The following SLC20A2 variants were observed in gnomAD, a reference collection of about 807,000 sequenced individuals.
SLC20A2 encodes the protein solute carrier family 20 member 2.
SLC20A2 carries 30 observed loss-of-function variants against 61.0 expected under a neutral mutation model. The observed-to-expected ratio is 0.49, with a 90% CI of 0.37 to 0.67. The LOEUF (loss-of-function observed/expected upper bound fraction) is 0.67. Among genes scored for constraint, SLC20A2 ranks in the 30% least tolerant of loss-of-function variants. SLC20A2 has a pLI of 0.00. For synonymous variants in SLC20A2, 351 were observed against 353.3 expected, an observed-to-expected ratio of 0.99 and a Z score of 0.07; for missense variants, 626 against 866.4, an observed-to-expected ratio of 0.72 and a Z score of 3.48.
At chr8:42,533,315 T>TA (rs1192717742) in intron 1 of SLC20A2, among the ~76,000 whole-genome samples, 7 of 152,100 alleles carry the variant, frequency 4.6e-5, no homozygotes, top group South Asian at 2.1e-4. Flanking sequence ...AACTACTTAT[T>TA]AAAAAAATGT....
intron 5 of SLC20A2, among the ~76,000 whole-genome samples, chr8:42,453,528 G>A (rs149149092): frequency 1.1e-4 from 16 of 152,236 alleles, no homozygotes; most frequent in Non-Finnish European, 8.8e-5. Context: ...AGGACACCAC[G>A]GCTATTAATG....
chr8:42,532,000 T>G (rs1312424222), intron 1 of SLC20A2, among the ~76,000 whole-genome samples: 1 of 134,246 alleles, frequency 7.4e-6, no homozygotes, highest in Non-Finnish European at 1.6e-5. Flanking sequence ...TTTTTTTTTT[T>G]GTATTTTTAG....
intron 6 of SLC20A2, among the ~76,000 whole-genome samples, chr8:42,441,529 C>T (rs776151525): frequency 6.6e-6 from 1 of 151,060 alleles, no homozygotes; most frequent in South Asian, 2.1e-4. Context: ...AGTGCTGTGG[C>T]GCGATCTCGG....
chr8:42,429,865 T>C (rs1221641695), intron 9 of SLC20A2, among the ~76,000 whole-genome samples, 199 bp downstream of exon 9: 1 of 152,138 alleles, frequency 6.6e-6, no homozygotes, highest in Non-Finnish European at 1.5e-5. Flanking sequence ...AGGGACGCTG[T>C]GGCTGGGGGC....
intron 1 of SLC20A2, among the ~76,000 whole-genome samples, chr8:42,535,907 G>A (rs1282538278): frequency 2.0e-5 from 3 of 152,108 alleles, no homozygotes; most frequent in South Asian, 2.1e-4. Context: ...AATAGATCAC[G>A]TCCAGAATCC....
chr8:42,455,292 A>C (rs867105457), intron 5 of SLC20A2, among the ~76,000 whole-genome samples: 22 of 138,394 alleles, frequency 1.6e-4, no homozygotes, highest in African/African-American at 2.4e-4. Flanking sequence ...AGAGAGAGAG[A>C]GCGTGCGCAT....
At chr8:42,446,550 T>C (rs1002732221) in intron 5 of SLC20A2, among the ~76,000 whole-genome samples, 3 of 152,248 alleles carry the variant, frequency 2.0e-5, no homozygotes, top group African/African-American at 4.8e-5. Flanking sequence ...TTATGAATTA[T>C]GCAGGTCTAT....
At chr8:42,519,942 A>C (rs952800719) in intron 1 of SLC20A2, among the ~76,000 whole-genome samples, 1 of 151,130 alleles carries the variant, frequency 6.6e-6, no homozygotes, top group African/African-American at 2.4e-5. Context: ...TCTACCAATC[A>C]GTTGAAATGT....
rs778950951 is a variant in SLC20A2, at chr8:42,417,787, G to C, written c.*16C>G. The C allele has an allele frequency of 1.7e-5, 27 of 1,612,894 alleles. No homozygotes were observed. The highest frequency in any genetic ancestry group is 2.0e-5 in the Non-Finnish European group (24 of 1,179,176). ...CAGACCATCCCTTTAGCTGTTTGCA[G>C]CTGGAAGAAGACAAATCACACATAT... On this transcript the variant is annotated 3_prime_UTR_variant, in exon 11 of 11. Coordinates refer to ENST00000520262, the MANE Select transcript of SLC20A2 (RefSeq NM_001257180.2).
chr8:42,476,771 A>G (rs1032165756), intron 1 of SLC20A2, among the ~76,000 whole-genome samples: 1 of 152,160 alleles, frequency 6.6e-6, no homozygotes, highest in African/African-American at 2.4e-5. Context: ...GCCTGAGGAA[A>G]AAGGCTTGCC....
chr8:42,517,839 A>G (rs544689390), intron 1 of SLC20A2, among the ~76,000 whole-genome samples: 1 of 152,312 alleles, frequency 6.6e-6, no homozygotes, highest in African/African-American at 2.4e-5. Context: ...TCTGACCAAA[A>G]CCAAATCATG....
chr8:42,514,916 G>T (rs192548004), intron 1 of SLC20A2, among the ~76,000 whole-genome samples: 68 of 152,272 alleles, frequency 4.5e-4, no homozygotes, highest in Non-Finnish European at 8.5e-4. Context: ...AGAGACTTTG[G>T]AGGTAGAATC....
At chr8:42,495,212 G>A (rs1293415239) in intron 1 of SLC20A2, among the ~76,000 whole-genome samples, 2 of 152,080 alleles carry the variant, frequency 1.3e-5, no homozygotes, top group Admixed American at 1.3e-4. Flanking sequence ...TTTTAGAAAC[G>A]TGATTTTTCC....
chr8:42,526,087 A>T (rs1424901095), intron 1 of SLC20A2, among the ~76,000 whole-genome samples: 1 of 152,200 alleles, frequency 6.6e-6, no homozygotes, highest in Non-Finnish European at 1.5e-5. Context: ...GGAAGCACAG[A>T]AACAGGTAAG....
intron 1 of SLC20A2, among the ~76,000 whole-genome samples, chr8:42,490,583 T>G (rs988906912): frequency 6.6e-6 from 1 of 152,044 alleles, no homozygotes; most frequent in African/African-American, 2.4e-5. Context: ...AGAGACAGAG[T>G]AAGACTCCGT....
At position 42,429,977 on chromosome 8, in the gene SLC20A2, G is replaced by A. The variant is rs2130963777; in HGVS notation, c.1709+87C>T. 7 of 1,215,872 alleles carry A rather than the reference G, an allele frequency of 5.8e-6. No individual in the cohort carries two copies. The South Asian group carries it at 9.9e-5, about 17-fold the overall frequency. The allele number at this position is 1,215,872 out of a possible 1,614,324, so 75.3% of individuals were successfully genotyped here. A position where few individuals can be genotyped will look rare whatever the true frequency, so the allele number is the denominator to read the frequency against. On this transcript the variant is annotated intron_variant, in intron 9 of 10. Transcript: ENST00000520262. ...TGACCCGCTGCCAACTGCCAGTGCTGAGCAGGCCGTTCAGACACAGCCGGG... is the reference window on the plus strand; with the variant it reads ...TGACCCGCTGCCAACTGCCAGTGCTAAGCAGGCCGTTCAGACACAGCCGGG...
chr8:42,535,882 C>T (rs1335686418), intron 1 of SLC20A2, among the ~76,000 whole-genome samples: 2 of 152,204 alleles, frequency 1.3e-5, no homozygotes, highest in African/African-American at 2.4e-5. Flanking sequence ...TTCTGCTGTA[C>T]ATTCCTAGTT....
chr8:42,479,101 T>G (rs945110322), intron 1 of SLC20A2, among the ~76,000 whole-genome samples: 4 of 152,198 alleles, frequency 2.6e-5, no homozygotes, highest in Non-Finnish European at 5.9e-5. Context: ...AGGGCCAGCC[T>G]ACGGACCTCT....
chr8:42,430,352 A>C, intron 8 of SLC20A2, 103 bp from the exon 9 acceptor site: 1 of 946,598 alleles, frequency 1.1e-6, no homozygotes, highest in South Asian at 1.8e-5. Context: ...CACACTCCAC[A>C]GATATGATGT....
Sources: gnomAD v4.1 joint callset for allele counts (sites outside exome capture counted in the v4.1 genomes callset) on GRCh38, gnomAD v4.1.1 for gene constraint, MANE v1.5 for transcripts, NCBI Gene and HGNC (gene_info 2026-07-23, HGNC 2026-07-21) for gene names.